Variants in KATNB1 observed in about 807,000 individuals in gnomAD.
KATNB1 encodes the protein katanin regulatory subunit B1, also known as katanin p80 WD40 repeat-containing subunit B1.
KATNB1 carries 38 observed loss-of-function variants against 82.3 expected under a neutral mutation model. That is an observed-to-expected ratio of 0.46 (90% CI 0.36 to 0.61). The LOEUF is 0.61. KATNB1 is among the 20% of genes least tolerant of loss of function. KATNB1 has a pLI of 0.00. For synonymous variants in KATNB1, 361 were observed against 368.7 expected (o/e 0.98, Z 0.24); for missense variants, 749 against 915.7 (o/e 0.82, Z 2.35).
rs370053003 is a variant in KATNB1 at position 57,754,230 on chromosome 16, C to T, written c.1228+235C>T. Among the ~76,000 whole-genome samples the T allele has an allele frequency of 2.6e-5, 4 of 152,026 alleles. No homozygotes were observed. In the East Asian group the frequency reaches 7.8e-4, roughly 30 times the overall value. ...GGTGTGTGGGGGACAAACATGGACA[C>T]CACCACACTGGGGGGCCTGCCAGGG... is the stretch of plus-strand genomic sequence containing the variant. On this transcript the variant is annotated intron_variant, in intron 13 of 19. Transcript: ENST00000379661.
intron 4 of KATNB1, among the ~76,000 whole-genome samples, chr16:57,747,380 G>A (rs935166447): frequency 3.9e-5 from 6 of 152,196 alleles, no homozygotes. Flanking sequence ...TTGGCGGCAG[G>A]GCAGCAGCCA....
intron 2 of KATNB1, among the ~76,000 whole-genome samples, chr16:57,737,771 G>A (rs983664756): frequency 5.3e-5 from 8 of 152,242 alleles, no homozygotes; most frequent in Non-Finnish European, 7.4e-5. Flanking sequence ...TAACTGATGG[G>A]CACTGTCCAC....
Position 57,753,985 on chromosome 16 carries a change from C to T in KATNB1, c.1218C>T (p.Pro406=). 1.2e-6 allele frequency: 2 copies of T among 1,613,670 alleles called. No individual in the cohort carries two copies. The highest frequency in any genetic ancestry group is 1.7e-6 in the Non-Finnish European group (2 of 1,179,888). ...GGAGAAGTGAGCCCTTCCCTGCACC[C>T]CCAGAGGACGGTGAGTTGGGTGAGC... is the stretch of plus-strand genomic sequence containing the variant. ...PPRRSEPFPA[P]PEDDAATAKE... The change falls in exon 13 of 20, where the codon CCC becomes CCT. Residue 406 remains proline (P), a synonymous_variant. Coordinates refer to ENST00000379661, the MANE Select transcript of KATNB1 (RefSeq NM_005886.3).
At position 57,741,832 on chromosome 16, in the gene KATNB1, C is replaced by T. The variant is rs2049145388; in HGVS notation, c.171+15C>T. Reference sequence around the variant, plus strand: ...ACTGCATCATGGTGAGCCCCGACAGCTGGCGGGGGGTCAGGACAAGGGCCT... The same window carrying T: ...ACTGCATCATGGTGAGCCCCGACAGTTGGCGGGGGGTCAGGACAAGGGCCT... On this transcript the variant is annotated intron_variant, in intron 3 of 19. Coordinates refer to ENST00000379661, the MANE Select transcript of KATNB1 (RefSeq NM_005886.3). The T allele has an allele frequency of 6.2e-7, 1 of 1,610,372 alleles. No individual in the cohort carries two copies. The highest frequency in any genetic ancestry group is 1.7e-5 in the Admixed American group (1 of 59,626).
In KATNB1 at chr16:57,751,580, G is replaced by A. The variant is rs1597828828; in HGVS notation, c.433-61G>A. The A allele has an allele frequency of 6.9e-7, 1 of 1,455,582 alleles. No homozygotes were observed. The highest frequency in any genetic ancestry group is 9.6e-7 in the Non-Finnish European group (1 of 1,043,824). The allele number at this position is 1,455,582 out of a possible 1,614,324, so 90.2% of individuals were successfully genotyped here. A position where few individuals can be genotyped will look rare whatever the true frequency, so the allele number is the denominator to read the frequency against. Reference sequence around the variant, plus strand: ...GAAGGGGTCCCATAGGAGTGAGGAGGCAGGGAGAGGTCTGTTGGGCCCAGG... The same window carrying A: ...GAAGGGGTCCCATAGGAGTGAGGAGACAGGGAGAGGTCTGTTGGGCCCAGG... On this transcript the variant is annotated intron_variant, in intron 6 of 19. Transcript: ENST00000379661. This position sits in a 1 kb window ranked among gnomAD's most constrained non-coding sequence, Gnocchi z 6.3.
intron 4 of KATNB1, among the ~76,000 whole-genome samples, chr16:57,744,776 C>CGTGT (rs60853487): frequency 1.7e-4 from 25 of 149,514 alleles, no homozygotes; most frequent in South Asian, 6.4e-4. Context: ...TCTGCGGGCA[C>CGTGT]GTGTGTGTGT....
intron 4 of KATNB1, among the ~76,000 whole-genome samples, chr16:57,746,146 T>C (rs886163850): frequency 1.3e-5 from 2 of 152,238 alleles, no homozygotes; most frequent in African/African-American, 4.8e-5. Flanking sequence ...GACTTTCTGC[T>C]ACCCCCATCA....
intron 16 of KATNB1, 80 bp from the exon 17 acceptor site, chr16:57,755,761 C>A (rs782254435): frequency 1.8e-5 from 25 of 1,354,298 alleles, no homozygotes; most frequent in Non-Finnish European, 2.4e-5. Context: ...CCCACATTCA[C>A]GTTCGTACCC....
intron 3 of KATNB1, among the ~76,000 whole-genome samples, chr16:57,742,364 T>C (rs569565288): frequency 2.6e-4 from 39 of 152,322 alleles, no homozygotes; most frequent in African/African-American, 9.4e-4. Flanking sequence ...CAAATAGGAG[T>C]GCATAAAGGA....
chr16:57,743,207 C>T (rs1233402077), intron 3 of KATNB1, among the ~76,000 whole-genome samples: 6 of 152,198 alleles, frequency 3.9e-5, no homozygotes, highest in East Asian at 1.9e-4. Context: ...GCAGGAGAAT[C>T]GCTTGAACCT....
intron 13 of KATNB1, 137 bp downstream of exon 13, chr16:57,754,132 G>T: frequency 1.4e-6 from 1 of 732,430 alleles, no homozygotes. Flanking sequence ...TCTCCCGCTG[G>T]GTCTCTGCCC....
intron 19 of KATNB1, 131 bp downstream of exon 19, chr16:57,756,603 T>C: frequency 8.6e-7 from 1 of 1,164,252 alleles, no homozygotes; most frequent in Non-Finnish European, 1.2e-6. Flanking sequence ...TCTGGGGCCA[T>C]GGCTCAGGGT....
At chr16:57,747,529 G>C (rs2049192412) in intron 4 of KATNB1, among the ~76,000 whole-genome samples, 1 of 152,244 alleles carries the variant, frequency 6.6e-6, no homozygotes, top group Non-Finnish European at 1.5e-5. Flanking sequence ...AAGAACAAAA[G>C]AGCCCCAGGA....
intron 4 of KATNB1, among the ~76,000 whole-genome samples, chr16:57,748,558 TGAG>T (rs2148792927): frequency 6.6e-6 from 1 of 151,594 alleles, no homozygotes; most frequent in South Asian, 2.1e-4. Context: ...AGATGTAGGC[TGAG>T]GAGGTGCTCA....
In KATNB1 at chr16:57,753,461, C is replaced by T. The variant is rs34172537; in HGVS notation, c.1119C>T (p.Arg373=). 4,229 of 1,613,220 alleles carry T rather than the reference C, an allele frequency of 2.6e-3. 86 individuals carry two copies. In the African/African-American group the frequency reaches 0.05, roughly 19 times the overall value. ...ATGACCGGGACGAGCGCGAGTCCCG[C>T]GCGGAGATCCAGAACGCCGAGGACT... ...SEDDRDERES[R]AEIQNAEDYN... is the part of the protein sequence containing the mutation. Residue 373 remains arginine (R), a synonymous_variant, in exon 12 of 20, where the codon CGC becomes CGT. Transcript: ENST00000379661.
In KATNB1 at chr16:57,736,969, G is replaced by C; in HGVS notation, c.-266-9G>C. 5.9e-6 allele frequency: 4 copies of C among 681,874 alleles called. No homozygotes were observed. Among genetic ancestry groups the C allele is most frequent in the Non-Finnish European group, 1.1e-5 (4 of 371,892 alleles). The allele number at this position is 681,874 out of a possible 1,614,324, so 42.2% of individuals were successfully genotyped here. A position where few individuals can be genotyped will look rare whatever the true frequency, so the allele number is the denominator to read the frequency against. On this transcript the variant is annotated splice_polypyrimidine_tract_variant and intron_variant, in intron 1 of 19. Coordinates refer to ENST00000379661, the MANE Select transcript of KATNB1 (RefSeq NM_005886.3). ...TCTAACATGACGTCACCTCTTGTTT[G>C]TATTGCAGCCCTGTATTGAGCTGAG...
At chr16:57,741,665 C>T in intron 2 of KATNB1, 22 bp from the exon 3 acceptor site, 4 of 1,605,142 alleles carry the variant, frequency 2.5e-6, no homozygotes, top group Non-Finnish European at 3.4e-6. Flanking sequence ...CTGATGGCCT[C>T]TCCCTCTCCT....
rs2049226233 is a variant in KATNB1, at chr16:57,751,364, G to A, written c.432+62G>A. The A allele has an allele frequency of 1.3e-6, 2 of 1,491,670 alleles. No individual in the cohort carries two copies. Among genetic ancestry groups the A allele is most frequent in the South Asian group, 1.1e-5 (1 of 88,622 alleles). 92.4% of individuals were successfully genotyped at this position (1,491,670 alleles called of 1,614,324 possible). ...TTGCGGGCATTGAGTGTGGTGTGGT[G>A]CCCAGACCCCAGCAGGGGGTGGAGG... On this transcript the variant is annotated intron_variant, in intron 6 of 19. Transcript: ENST00000379661. The surrounding 1 kb of genome is among the most constrained non-coding windows in gnomAD (Gnocchi z 6.3).
chr16:57,740,751 G>A (rs942737881), intron 2 of KATNB1, among the ~76,000 whole-genome samples: 15 of 152,174 alleles, frequency 9.9e-5, no homozygotes, highest in African/African-American at 2.9e-4. Flanking sequence ...AGGGCCTTGG[G>A]CTGTCTGCAC....
Sources: allele counts gnomAD v4.1 joint callset (sites outside exome capture counted in the v4.1 genomes callset), GRCh38; gene constraint gnomAD v4.1.1; non-coding constraint Gnocchi (gnomAD v3.1); transcripts MANE v1.5; gene names NCBI Gene and HGNC (gene_info 2026-07-23, HGNC 2026-07-21).